The following C4orf36 variants were observed in gnomAD, a reference collection of about 807,000 sequenced individuals.
C4orf36 encodes chromosome 4 open reading frame 36.
C4orf36 carries 11 observed loss-of-function variants against 12.2 expected under a neutral mutation model. That is an observed-to-expected ratio of 0.90 (90% CI 0.57 to 1.49). The LOEUF (loss-of-function observed/expected upper bound fraction) is 1.49. Ranked by LOEUF, C4orf36 falls within the 40% of genes most tolerant of loss-of-function variation. The pLI, the probability that C4orf36 is intolerant of heterozygous loss-of-function variation, is 0.00. For synonymous variants in C4orf36, 54 were observed against 51.3 expected (o/e 1.05, Z -0.22); for missense variants, 137 against 133.9 (o/e 1.02, Z -0.11).
the C4orf36 span, among the ~76,000 whole-genome samples, chr4:86,906,135 A>T: frequency 6.6e-6 from 1 of 152,126 alleles, no homozygotes; most frequent in South Asian, 2.1e-4. Context: ...AGGGCCACTG[A>T]CCTTCAGAAC....
At chr4:86,881,144 C>T (rs970491782) in intron 4 of C4orf36, among the ~76,000 whole-genome samples, 5 of 150,214 alleles carry the variant, frequency 3.3e-5, no homozygotes, top group African/African-American at 1.2e-4. Flanking sequence ...ATCTAAAATA[C>T]AAAAGCATGA....
chr4:86,881,666 A>C (rs1747058130), intron 4 of C4orf36, among the ~76,000 whole-genome samples: 1 of 150,828 alleles, frequency 6.6e-6, no homozygotes, highest in Admixed American at 6.7e-5. Context: ...ATCTTTCACC[A>C]TCTGAAATTT....
the C4orf36 span, chr4:86,914,011 A>G: frequency 5.0e-6 from 8 of 1,603,570 alleles, no homozygotes; most frequent in Non-Finnish European, 6.8e-6. Context: ...AAGTCACATG[A>G]TCCTGCTGCC....
chr4:86,926,494 CA>C, the C4orf36 span, among the ~76,000 whole-genome samples: 2 of 152,166 alleles, frequency 1.3e-5, no homozygotes, highest in East Asian at 3.9e-4. Context: ...TCATTTAACC[CA>C]AAACAAAAGA....
rs200566195 is a variant in C4orf36, at chr4:86,891,464, A to G, written c.57T>C (p.Cys19=). ...NTVKTILRGS[C]YNVQEPWDIA... The stretch of plus-strand genomic sequence containing the variant: ...AAAAAAATAGTACTTACACATTATA[A>G]CAACTGCCCCGCAAAATGGTTTTCA... Residue 19 remains cysteine (C), a synonymous_variant, in exon 2 of 5, where the codon TGT becomes TGC. Transcript: ENST00000295898. 6.2e-6 allele frequency: 10 copies of G among 1,613,818 alleles called. No homozygotes were observed. Among genetic ancestry groups the G allele is most frequent in the Non-Finnish European group, 8.5e-6 (10 of 1,179,966 alleles).
Position 86,891,462 on chromosome 4 carries a change from T to C in C4orf36, c.59A>G (p.Tyr20Cys), listed in dbSNP as rs760176436. Residue 20 changes from tyrosine (Y) to cysteine (C), a missense_variant, in exon 2 of 5, where the codon TAT becomes TGT. Physicochemically the swap from Tyr to Cys is radical, Grantham distance 194 (BLOSUM62 -2). Coordinates refer to ENST00000295898, the MANE Select transcript of C4orf36 (RefSeq NM_144645.4). The stretch of plus-strand genomic sequence containing the variant: ...AAAAAAAAATAGTACTTACACATTA[T>C]AACAACTGCCCCGCAAAATGGTTTT... Reference protein sequence around the residue: ...TVKTILRGSCYNVQEPWDIAL... With the variant: ...TVKTILRGSCCNVQEPWDIAL... The C allele has an allele frequency of 6.2e-7, 1 of 1,613,688 alleles. No individual in the cohort carries two copies. Among genetic ancestry groups the C allele is most frequent in the South Asian group, 1.1e-5 (1 of 91,070 alleles).
chr4:86,908,168 TACACACACAC>T, the C4orf36 span, among the ~76,000 whole-genome samples: 44,495 of 140,710 alleles, frequency 0.32, 8,037 homozygotes, highest in South Asian at 0.47. Flanking sequence ...ACTTTCAACA[TACACACACAC>T]ACACACACAC....
At chr4:86,876,737 G>C in intron 4 of C4orf36, 1 of 1,529,854 alleles carries the variant, frequency 6.5e-7, no homozygotes, top group South Asian at 1.3e-5. Context: ...AAGTTCTCTG[G>C]CTGTTGCATC....
the C4orf36 span, among the ~76,000 whole-genome samples, chr4:86,906,456 G>A: frequency 6.6e-6 from 1 of 152,122 alleles, no homozygotes; most frequent in Admixed American, 6.6e-5. Flanking sequence ...GGCCAGGCAT[G>A]GTGGCTTAGG....
chr4:86,908,953 G>A, the C4orf36 span, among the ~76,000 whole-genome samples: 1 of 152,122 alleles, frequency 6.6e-6, no homozygotes, highest in Non-Finnish European at 1.5e-5. Context: ...TACTTGGGAG[G>A]AAGTGCTTGT....
At chr4:86,909,793 C>T in the C4orf36 span, among the ~76,000 whole-genome samples, 6 of 149,806 alleles carry the variant, frequency 4.0e-5, no homozygotes, top group Admixed American at 4.1e-4. Context: ...ATACACTGAG[C>T]CACATGATAA....
At chr4:86,928,060 A>C in the C4orf36 span, among the ~76,000 whole-genome samples, 1 of 152,218 alleles carries the variant, frequency 6.6e-6, no homozygotes, top group Non-Finnish European at 1.5e-5. Context: ...CAACATCCCA[A>C]CTGTGTGACG....
In C4orf36 at chr4:86,891,449, T is replaced by TTATA; in HGVS notation, c.65+6_65+7insTATA. 6.2e-7 allele frequency: 1 copy of TTATA among 1,611,800 alleles called. No homozygotes were observed. Among genetic ancestry groups the TTATA allele is most frequent in the South Asian group, 1.1e-5 (1 of 90,888 alleles). ...ACCCTGATTTAAAAAAAAAAAATAG[T>TTATA]ACTTACACATTATAACAACTGCCCC... is the stretch of plus-strand genomic sequence containing the variant. On this transcript the variant is annotated splice_region_variant and intron_variant, in intron 2 of 4. Transcript: ENST00000295898.
chr4:86,887,557 C>T lies in C4orf36; in HGVS notation c.*2+201G>A, dbSNP rs576698501. ...CATTTTCATCTACTTACAGTGCTGT[C>T]GTTTGTGACACAAGGAACAAGAGTA... On this transcript the variant is annotated intron_variant, in intron 4 of 4. Coordinates refer to ENST00000295898, the MANE Select transcript of C4orf36 (RefSeq NM_144645.4). The T allele has an allele frequency of 6.3e-5, 31 of 490,286 alleles. No homozygotes were observed. In the South Asian group the frequency reaches 1.3e-3, roughly 21 times the overall value. The allele number at this position is 490,286 out of a possible 1,614,324, so 30.4% of individuals were successfully genotyped here. A position where few individuals can be genotyped will look rare whatever the true frequency, so the allele number is the denominator to read the frequency against.
intron 2 of C4orf36, among the ~76,000 whole-genome samples, chr4:86,889,007 A>G (rs1673700702): frequency 6.6e-6 from 1 of 152,194 alleles, no homozygotes; most frequent in South Asian, 2.1e-4. Flanking sequence ...AAAATGTATA[A>G]GAGTGTTCAT....
At chr4:86,887,086 G>T (rs1747200561) in intron 4 of C4orf36, 1 of 151,892 alleles carries the variant, frequency 6.6e-6, no homozygotes, top group Non-Finnish European at 1.5e-5. Context: ...ACACAGGAAG[G>T]GGAACATCAC....
intron 2 of C4orf36, among the ~76,000 whole-genome samples, chr4:86,890,970 A>C (rs1422827595): frequency 1.3e-5 from 2 of 151,606 alleles, no homozygotes; most frequent in East Asian, 3.9e-4. Flanking sequence ...ATTGGAAAGC[A>C]TGTGTTGTCC....
chr4:86,901,275 C>T, the C4orf36 span, among the ~76,000 whole-genome samples: 1 of 152,080 alleles, frequency 6.6e-6, no homozygotes, highest in Non-Finnish European at 1.5e-5. Flanking sequence ...AGCCACTGAG[C>T]CCGGCCAATG....
At chr4:86,913,441 T>C in the C4orf36 span, 6 of 750,128 alleles carry the variant, frequency 8.0e-6, no homozygotes, top group Non-Finnish European at 1.5e-5. Context: ...CGTGGCCCTC[T>C]TGTCCATGTT....
Sources: allele counts gnomAD v4.1 joint callset (sites outside exome capture counted in the v4.1 genomes callset), GRCh38; gene constraint gnomAD v4.1.1; transcripts MANE v1.5; gene names NCBI Gene and HGNC (gene_info 2026-07-23, HGNC 2026-07-21).